The following CNTN1 variants were observed in gnomAD, a reference collection of about 807,000 sequenced individuals.
CNTN1 encodes contactin-1.
In CNTN1, 38 loss-of-function variants were observed where a neutral mutation model predicts 126.4. The ratio of observed to expected loss-of-function variants is 0.30; its 90% CI spans 0.23 to 0.39. CNTN1 has a LOEUF of 0.39. Ranked by LOEUF, CNTN1 falls within the 10% of genes least tolerant of loss-of-function variation. The pLI, the probability that CNTN1 is intolerant of heterozygous loss-of-function variation, is 1.00. For synonymous variants in CNTN1, 413 were observed against 422.6 expected, an observed-to-expected ratio of 0.98 and a Z score of 0.28; for missense variants, 1,009 against 1,248.4, an observed-to-expected ratio of 0.81 and a Z score of 2.89.
chr12:40,753,677 T>TGGGGG (rs1217178666), intron 1 of CNTN1, among the ~76,000 whole-genome samples: 1 of 152,000 alleles, frequency 6.6e-6, no homozygotes, highest in Non-Finnish European at 1.5e-5. Context: ...CTATAACACG[T>TGGGGG]GGGGATTATG....
intron 17 of CNTN1, among the ~76,000 whole-genome samples, chr12:41,008,120 C>T (rs1195382661): frequency 6.6e-6 from 1 of 152,198 alleles, no homozygotes; most frequent in Admixed American, 6.5e-5. Flanking sequence ...TGGGGAACAG[C>T]AGCTATGGCT....
intron 1 of CNTN1, among the ~76,000 whole-genome samples, chr12:40,827,469 A>T (rs1196056149): frequency 6.6e-6 from 1 of 152,052 alleles, no homozygotes. Context: ...TCTTTCTTTC[A>T]TTTATTTATT....
intron 1 of CNTN1, among the ~76,000 whole-genome samples, chr12:40,733,090 C>CT (rs1714978093): frequency 6.6e-6 from 1 of 151,972 alleles, no homozygotes; most frequent in Non-Finnish European, 1.5e-5. Flanking sequence ...AATTTGGGCT[C>CT]TGAGTGGAGA....
intron 1 of CNTN1, among the ~76,000 whole-genome samples, chr12:40,717,701 T>G (rs1942083763): frequency 1.3e-5 from 2 of 152,334 alleles, no homozygotes; most frequent in South Asian, 4.1e-4. Flanking sequence ...ATAGTTTTGT[T>G]TTTCTAGCAT....
intron 1 of CNTN1, among the ~76,000 whole-genome samples, chr12:40,840,850 A>C (rs1011046934): frequency 2.0e-5 from 3 of 151,906 alleles, no homozygotes; most frequent in Non-Finnish European, 4.4e-5. Flanking sequence ...TTTTATAGCA[A>C]TAAATGCCAA....
chr12:40,995,956 C>T (rs1400320678), intron 17 of CNTN1, among the ~76,000 whole-genome samples: 2 of 152,174 alleles, frequency 1.3e-5, no homozygotes, highest in African/African-American at 4.8e-5. Flanking sequence ...TTACACCCAG[C>T]TAATGTGAGG....
intron 17 of CNTN1, among the ~76,000 whole-genome samples, chr12:41,003,366 T>A (rs1209903822): frequency 6.6e-6 from 1 of 152,142 alleles, no homozygotes; most frequent in Non-Finnish European, 1.5e-5. Flanking sequence ...TTTTGAGGAT[T>A]TTTTCGTTGA....
At chr12:40,950,099 T>G (rs541113605) in intron 14 of CNTN1, among the ~76,000 whole-genome samples, 424 of 6,914 alleles carry the variant, frequency 0.061, 2 homozygotes, top group Middle Eastern at 0.25. Context: ...GTTGAGAGGG[T>G]GTGTGTGTGT....
At chr12:41,002,628 G>A (rs557772934) in intron 17 of CNTN1, among the ~76,000 whole-genome samples, 72 of 143,134 alleles carry the variant, frequency 5.0e-4, no homozygotes, top group African/African-American at 1.8e-3. Flanking sequence ...TGCAATCTCC[G>A]CTCACTGCAA....
At chr12:40,937,838 A>G (rs1385523164) in intron 11 of CNTN1, 151 bp downstream of exon 11, 6 of 660,458 alleles carry the variant, frequency 9.1e-6, no homozygotes, top group African/African-American at 5.4e-5. Flanking sequence ...GCTAATTATC[A>G]TAATTCAGAC....
At chr12:41,015,023 C>T (rs1433518670) in intron 18 of CNTN1, among the ~76,000 whole-genome samples, 1 of 152,074 alleles carries the variant, frequency 6.6e-6, no homozygotes, top group South Asian at 2.1e-4. Flanking sequence ...TCAAAGAGCA[C>T]AATTTAGGCT....
intron 1 of CNTN1, among the ~76,000 whole-genome samples, chr12:40,846,561 A>G (rs1214101809): frequency 6.6e-6 from 1 of 152,182 alleles, no homozygotes; most frequent in Non-Finnish European, 1.5e-5. Flanking sequence ...GAAAAGCTTC[A>G]CCAGAGTCAA....
intron 23 of CNTN1, among the ~76,000 whole-genome samples, chr12:41,039,371 C>T (rs1278090452): frequency 6.6e-6 from 1 of 152,020 alleles, no homozygotes; most frequent in Non-Finnish European, 1.5e-5. Flanking sequence ...TGGAGGAAGA[C>T]CCAACAGTAT....
At chr12:40,712,740 T>G (rs1403037252) in intron 1 of CNTN1, among the ~76,000 whole-genome samples, 2 of 152,198 alleles carry the variant, frequency 1.3e-5, no homozygotes, top group Admixed American at 6.6e-5. Flanking sequence ...AGAAATTTAA[T>G]AAAACCATCT....
chr12:41,054,446 C>A (rs1269625533), intron 23 of CNTN1, among the ~76,000 whole-genome samples: 1 of 151,882 alleles, frequency 6.6e-6, no homozygotes, highest in Non-Finnish European at 1.5e-5. Context: ...GATGAAAAAT[C>A]ATGGTGAAAA....
intron 23 of CNTN1, among the ~76,000 whole-genome samples, chr12:41,048,190 A>T (rs1215768083): frequency 6.6e-6 from 1 of 152,154 alleles, no homozygotes; most frequent in East Asian, 1.9e-4. Flanking sequence ...GAATGCCAAC[A>T]CGAACACTGG....
intron 1 of CNTN1, among the ~76,000 whole-genome samples, chr12:40,841,427 T>C (rs1592145993): frequency 1.3e-5 from 2 of 152,110 alleles, no homozygotes; most frequent in Non-Finnish European, 2.9e-5. Flanking sequence ...CCCTATCTCA[T>C]TTTATGAGGC....
intron 1 of CNTN1, among the ~76,000 whole-genome samples, chr12:40,723,520 T>G (rs563087212): frequency 1.3e-4 from 20 of 152,206 alleles, no homozygotes; most frequent in Non-Finnish European, 2.5e-4. Context: ...ATTTTTGAGC[T>G]TTGAAAGAAT....
intron 1 of CNTN1, among the ~76,000 whole-genome samples, chr12:40,876,816 C>G (rs1012378435): frequency 6.6e-6 from 1 of 151,922 alleles, no homozygotes; most frequent in Non-Finnish European, 1.5e-5. Flanking sequence ...TACTATTTTC[C>G]TTTTTTAACA....
Sources: gnomAD v4.1 joint callset for allele counts (sites outside exome capture counted in the v4.1 genomes callset) on GRCh38, gnomAD v4.1.1 for gene constraint, MANE v1.5 for transcripts, NCBI Gene and HGNC (gene_info 2026-07-23, HGNC 2026-07-21) for gene names.